NPC2: variants seen among roughly 807,000 people sequenced by gnomAD.
The protein encoded by NPC2 is Niemann-Pick disease type C2 protein.
Under a neutral mutation model 17.0 loss-of-function variants are expected in NPC2, and 14 were observed. That is an observed-to-expected ratio of 0.82 (90% CI 0.54 to 1.29). The LOEUF (loss-of-function observed/expected upper bound fraction) is 1.29. NPC2 is among the 50% of genes most tolerant of loss of function. The pLI is 0.00. For missense variants in NPC2, 167 were observed against 183.4 expected (o/e 0.91, Z 0.52); for synonymous variants, 75 against 69.3 (o/e 1.08, Z -0.41).
intron 1 of NPC2, among the ~76,000 whole-genome samples, chr14:74,487,624 C>T (rs17100588): frequency 1.3e-5 from 2 of 152,024 alleles, no homozygotes; most frequent in African/African-American, 4.8e-5. Flanking sequence ...TGAAACTCCG[C>T]GGAGGAAGAT....
At chr14:74,491,274 T>C (rs1453994202) in intron 1 of NPC2, among the ~76,000 whole-genome samples, 1 of 152,140 alleles carries the variant, frequency 6.6e-6, no homozygotes, top group Non-Finnish European at 1.5e-5. Flanking sequence ...GGTTTCACCA[T>C]GTTGGCCAGG....
In NPC2 at chr14:74,480,256, C is replaced by A. The variant is rs755631778; in HGVS notation, c.*18G>T. 2 of 1,614,012 alleles carry A rather than the reference C, an allele frequency of 1.2e-6. No individual in the cohort carries two copies. The highest frequency in any genetic ancestry group is 2.7e-5 in the African/African-American group (2 of 74,904). On this transcript the variant is annotated 3_prime_UTR_variant, in exon 5 of 5. Transcript: ENST00000555619. The stretch of plus-strand genomic sequence containing the variant: ...TCAGCAGACTCATTGGCCAGATGCA[C>A]CGAACTCAATGAGGCACTTAGAGAT...
rs61395005 is a variant in NPC2 at position 74,485,294 on chromosome 14, C to CAAAAAAAAAAA, written c.191-718_191-708dup. ...TGGGTGACAGAGCGAGACTCTGTCA[C>CAAAAAAAAAAA]AAAAAAAAAAAAAAAAAAAAAAAAA... On this transcript the variant is annotated intron_variant, in intron 2 of 4. Coordinates refer to ENST00000555619, the MANE Select transcript of NPC2 (RefSeq NM_006432.5). Among the ~76,000 whole-genome samples the CAAAAAAAAAAA allele has an allele frequency of 2.8e-3, 198 of 71,326 alleles. 13 individuals are homozygous for CAAAAAAAAAAA. Among genetic ancestry groups the CAAAAAAAAAAA allele is most frequent in the African/African-American group, 0.011 (136 of 12,904 alleles). 46.8% of individuals were successfully genotyped at this position (71,326 alleles called of 152,430 possible).
chr14:74,490,523 T>G (rs2139673956), intron 1 of NPC2, among the ~76,000 whole-genome samples: 1 of 152,358 alleles, frequency 6.6e-6, no homozygotes, highest in Non-Finnish European at 1.5e-5. Context: ...TGTTAAGGCT[T>G]TCAATGTCCA....
intron 4 of NPC2, 23 bp from the exon 5 acceptor site, chr14:74,480,311 CAGTGG>C (rs1288908358): frequency 2.5e-6 from 4 of 1,601,508 alleles, no homozygotes; most frequent in Non-Finnish European, 3.4e-6. Flanking sequence ...TGTCCCAGCT[CAGTGG>C]AAGTGGTTTG....
Position 74,484,604 on chromosome 14 carries a change from G to A in NPC2, c.191-17C>T. ...ACTGAATATCTAAGAGAAAAAAAGA[G>A]AATCAGATGGCAAAGAAAATAACCT... On this transcript the variant is annotated splice_polypyrimidine_tract_variant and intron_variant, in intron 2 of 4. Coordinates refer to ENST00000555619, the MANE Select transcript of NPC2 (RefSeq NM_006432.5). The A allele has an allele frequency of 1.2e-6, 2 of 1,613,742 alleles. No homozygotes were observed. The highest frequency in any genetic ancestry group is 1.7e-6 in the Non-Finnish European group (2 of 1,179,830).
rs758592620 is a variant in NPC2 at position 74,480,699 on chromosome 14, T to TA, written c.441+2dup. 2.5e-6 allele frequency: 4 copies of TA among 1,612,934 alleles called. No individual in the cohort carries two copies. Among genetic ancestry groups the TA allele is most frequent in the Non-Finnish European group, 3.4e-6 (4 of 1,178,896 alleles). On this transcript the variant is annotated splice_region_variant and intron_variant, in intron 4 of 4. Coordinates refer to ENST00000555619, the MANE Select transcript of NPC2 (RefSeq NM_006432.5). ...ATGCCCTCTCACCCCCAGATAGACT[T>TA]ACGATCTGTACTGGGATTTCCCAGC... is the stretch of plus-strand genomic sequence containing the variant.
At chr14:74,481,708 A>G (rs1284721606) in intron 3 of NPC2, among the ~76,000 whole-genome samples, 1 of 152,248 alleles carries the variant, frequency 6.6e-6, no homozygotes, top group African/African-American at 2.4e-5. Context: ...AACCTTTTGT[A>G]GCAATATACT....
At chr14:74,487,274 G>GTT (rs59427038) in intron 1 of NPC2, among the ~76,000 whole-genome samples, 12 of 132,050 alleles carry the variant, frequency 9.1e-5, no homozygotes, top group African/African-American at 3.2e-4. Flanking sequence ...GTTTTTTTTT[G>GTT]TTTTTTTTTT....
chr14:74,486,298 T>G, intron 2 of NPC2, 31 bp downstream of exon 2: 1 of 1,518,814 alleles, frequency 6.6e-7, no homozygotes, highest in Non-Finnish European at 9.0e-7. Flanking sequence ...TGCTGTAACA[T>G]GAATTTGAGT....
At chr14:74,492,301 C>G (rs2086784536) in intron 1 of NPC2, among the ~76,000 whole-genome samples, 1 of 152,196 alleles carries the variant, frequency 6.6e-6, no homozygotes, top group Admixed American at 6.5e-5. Flanking sequence ...TAAATCCGCT[C>G]TGTCTAGGCA....
intron 1 of NPC2, among the ~76,000 whole-genome samples, chr14:74,491,886 C>G (rs2139675117): frequency 6.6e-6 from 1 of 152,256 alleles, no homozygotes; most frequent in Non-Finnish European, 1.5e-5. Flanking sequence ...TGCCTGGGGA[C>G]CGGTCTGCCT....
At position 74,485,520 on chromosome 14, in the gene NPC2, C is replaced by CT. The variant is rs1319194616; in HGVS notation, c.190+808dup. Among the ~76,000 whole-genome samples, 201 of 143,342 alleles carry CT rather than the reference C, an allele frequency of 1.4e-3. 1 individual carries two copies. Among genetic ancestry groups the CT allele is most frequent in the Middle Eastern group, 0.011 (3 of 282 alleles). 94.0% of individuals were successfully genotyped at this position (143,342 alleles called of 152,430 possible). A position where few individuals can be genotyped will look rare whatever the true frequency, so the allele number is the denominator to read the frequency against. On this transcript the variant is annotated intron_variant, in intron 2 of 4. Coordinates refer to ENST00000555619, the MANE Select transcript of NPC2 (RefSeq NM_006432.5). ...GGTTGGGGATGACTTGTTCAGAAGG[C>CT]TTTTTTTTTTGGTTTGGAACAATAG...
At chr14:74,492,022 G>C (rs184340127) in intron 1 of NPC2, among the ~76,000 whole-genome samples, 84 of 152,218 alleles carry the variant, frequency 5.5e-4, no homozygotes, top group Non-Finnish European at 1.0e-3. Context: ...CAGTGCTTGA[G>C]ATATTTTGCA....
At position 74,480,224 on chromosome 14, in the gene NPC2, AAG is replaced by A. The variant is rs1410360818; in HGVS notation, c.*48_*49del. The A allele has an allele frequency of 5.0e-6, 8 of 1,614,162 alleles. No homozygotes were observed. The highest frequency in any genetic ancestry group is 6.8e-6 in the Non-Finnish European group (8 of 1,180,024). On this transcript the variant is annotated 3_prime_UTR_variant, in exon 5 of 5. Transcript: ENST00000555619. ...AAGCAGCAGAGCTGGAGGTGCTGTC[AAG>A]AGTCTCAGCAGACTCATTGGCCAGA...
chr14:74,483,576 C>A, intron 3 of NPC2: 2 of 1,295,380 alleles, frequency 1.5e-6, no homozygotes, highest in Non-Finnish European at 2.1e-6. Flanking sequence ...TTGGAAAGTG[C>A]CAGCATTCCA....
At chr14:74,485,289 T>C (rs1337673186) in intron 2 of NPC2, among the ~76,000 whole-genome samples, 1 of 53,906 alleles carries the variant, frequency 1.9e-5, no homozygotes, top group African/African-American at 1.2e-4. Flanking sequence ...AGCGAGACTC[T>C]GTCACAAAAA....
rs2086687611 is a variant in NPC2, at chr14:74,484,455, C to A, written c.323G>T (p.Ser108Ile). 6 of 1,614,094 alleles carry A rather than the reference C, an allele frequency of 3.7e-6. No homozygotes were observed. The highest frequency in any genetic ancestry group is 5.1e-6 in the Non-Finnish European group (6 of 1,180,022). The change falls in exon 3 of 5, where the codon AGC (serine) becomes ATC (isoleucine). Residue 108 changes from serine (S) to isoleucine (I), a missense_variant. Physicochemically the swap from Ser to Ile is moderately radical, Grantham distance 142. Transcript: ENST00000555619. ...TTTCACTGGTAGTTTATTCAGGTAG[C>A]TATAGGTCTTGTCTTTTTGGATAGG... ...NCPIQKDKTY[S>I]YLNKLPVKSE... is the part of the protein sequence containing the mutation.
At chr14:74,485,156 G>A (rs539027545) in intron 2 of NPC2, among the ~76,000 whole-genome samples, 88 of 151,984 alleles carry the variant, frequency 5.8e-4, no homozygotes, top group Non-Finnish European at 3.8e-4. Context: ...TTAGCCGGGC[G>A]TGGTGGCGCA....
Sources: allele counts gnomAD v4.1 joint callset (sites outside exome capture counted in the v4.1 genomes callset), GRCh38; gene constraint gnomAD v4.1.1; transcripts MANE v1.5; gene names NCBI Gene and HGNC (gene_info 2026-07-23, HGNC 2026-07-21).